Variants in COL5A2 observed in about 807,000 individuals in gnomAD.
COL5A2 encodes the protein collagen type V alpha 2 chain.
In COL5A2, 23 loss-of-function variants were observed where a neutral mutation model predicts 208.2. That is an observed-to-expected ratio of 0.11 (90% confidence interval 0.08 to 0.16). The LOEUF (loss-of-function observed/expected upper bound fraction) is 0.16, where lower values mean the gene tolerates loss of function less well. Among genes scored for constraint, COL5A2 ranks in the 10% least tolerant of loss-of-function variants. The pLI is 1.00. For missense variants in COL5A2, 1,590 were observed against 1,956.4 expected (o/e 0.81, Z 3.53); for synonymous variants, 625 against 628.5 (o/e 0.99, Z 0.08).
Position 189,088,778 on chromosome 2 carries a change from A to G in COL5A2, c.568-6T>C. On this transcript the variant is annotated splice_region_variant and splice_polypyrimidine_tract_variant and intron_variant, in intron 7 of 53. Coordinates refer to ENST00000374866, the MANE Select transcript of COL5A2 (RefSeq NM_000393.5). ...GCCATTTGAGCTGAAAACGGCTGTAAAAGCGATATGTTGACATTATTTCTA... is the reference window on the plus strand; with the variant it reads ...GCCATTTGAGCTGAAAACGGCTGTAGAAGCGATATGTTGACATTATTTCTA... 2.5e-6 allele frequency: 4 copies of G among 1,613,026 alleles called. No homozygotes were observed. Among genetic ancestry groups the G allele is most frequent in the Non-Finnish European group, 3.4e-6 (4 of 1,179,022 alleles).
chr2:189,094,263 A>G (rs541782682), intron 6 of COL5A2, among the ~76,000 whole-genome samples: 1 of 152,282 alleles, frequency 6.6e-6, no homozygotes, highest in African/African-American at 2.4e-5. Flanking sequence ...TATAAAAATT[A>G]TCTAAAATTA....
the COL5A2 span, among the ~76,000 whole-genome samples, chr2:189,386,955 C>T: frequency 1.2e-4 from 18 of 152,208 alleles, no homozygotes; most frequent in South Asian, 3.7e-3. Context: ...TCAGCAATTC[C>T]ATTACTGAGT....
intron 35 of COL5A2, among the ~76,000 whole-genome samples, chr2:189,056,599 G>A (rs2105573205): frequency 6.6e-6 from 1 of 152,050 alleles, no homozygotes; most frequent in East Asian, 1.9e-4. Context: ...TCACAACTTT[G>A]GTGACTCCAC....
the COL5A2 span, among the ~76,000 whole-genome samples, chr2:189,348,101 C>A: frequency 6.6e-6 from 1 of 152,168 alleles, no homozygotes; most frequent in African/African-American, 2.4e-5. Context: ...ATTTTTAGAG[C>A]AACCCTTGCT....
chr2:189,346,867 G>A, the COL5A2 span, among the ~76,000 whole-genome samples: 1 of 152,156 alleles, frequency 6.6e-6, no homozygotes, highest in African/African-American at 2.4e-5. Flanking sequence ...GGCTCTCTGA[G>A]GGAAATGTTC....
chr2:189,042,811 T>A (rs746877070), intron 48 of COL5A2, 38 bp from the exon 49 acceptor site: 4 of 1,576,594 alleles, frequency 2.5e-6, no homozygotes, highest in African/African-American at 1.3e-5. Context: ...GCCAAAATAT[T>A]TGGATCCTGC....
chr2:189,222,474 C>T (rs78473104), intron 1 of COL5A2, among the ~76,000 whole-genome samples: 1 of 152,072 alleles, frequency 6.6e-6, no homozygotes, highest in East Asian at 1.9e-4. Context: ...AACCCTTGTA[C>T]GTCAATGAAA....
At chr2:189,281,084 A>G in the COL5A2 span, among the ~76,000 whole-genome samples, 3 of 152,072 alleles carry the variant, frequency 2.0e-5, no homozygotes, top group Non-Finnish European at 1.5e-5. Context: ...GTTAATTTGC[A>G]TTATTTACCA....
the COL5A2 span, among the ~76,000 whole-genome samples, chr2:189,387,509 G>A: frequency 2.6e-5 from 4 of 152,054 alleles, no homozygotes; most frequent in African/African-American, 9.7e-5. Flanking sequence ...ACGCATTCCT[G>A]GAATAAGTTC....
At chr2:189,360,642 G>A in the COL5A2 span, among the ~76,000 whole-genome samples, 1 of 151,852 alleles carries the variant, frequency 6.6e-6, no homozygotes, top group East Asian at 1.9e-4. Context: ...TTTAACTTCT[G>A]GGATACATGT....
the COL5A2 span, among the ~76,000 whole-genome samples, chr2:189,299,760 A>G: frequency 2.5e-4 from 38 of 152,312 alleles, no homozygotes; most frequent in Non-Finnish European, 4.7e-4. Context: ...AAAGCAAGTC[A>G]TGGTGCTTGC....
intron 7 of COL5A2, 142 bp from the exon 8 acceptor site, chr2:189,088,914 T>C (rs1290408683): frequency 2.7e-6 from 2 of 741,070 alleles, no homozygotes; most frequent in South Asian, 1.6e-5. Flanking sequence ...CTTTAAAGCC[T>C]GGAAAAAGAC....
chr2:189,229,561 A>C (rs1434455650), upstream of COL5A2, among the ~76,000 whole-genome samples: 5 of 151,812 alleles, frequency 3.3e-5, no homozygotes, highest in African/African-American at 1.2e-4. Flanking sequence ...AAAGGAAATT[A>C]GGAAAACAAT....
chr2:189,059,366 T>C (rs1487201969), intron 31 of COL5A2, among the ~76,000 whole-genome samples: 4 of 152,166 alleles, frequency 2.6e-5, no homozygotes, highest in South Asian at 4.1e-4. Flanking sequence ...TACTAGGTAT[T>C]GTGCATTCAA....
chr2:189,410,832 G>T, the COL5A2 span, among the ~76,000 whole-genome samples: 1 of 151,980 alleles, frequency 6.6e-6, no homozygotes, highest in Non-Finnish European at 1.5e-5. Flanking sequence ...GTAACATTAA[G>T]AATAACTAAA....
At chr2:189,323,506 A>G in the COL5A2 span, among the ~76,000 whole-genome samples, 8 of 152,270 alleles carry the variant, frequency 5.3e-5, no homozygotes, top group South Asian at 1.0e-3. Context: ...CAAAAATCAC[A>G]AGCATTCTTA....
chr2:189,056,796 G>C (rs1685909525), intron 35 of COL5A2, 177 bp downstream of exon 35: 2 of 690,608 alleles, frequency 2.9e-6, no homozygotes, highest in Non-Finnish European at 5.2e-6. Flanking sequence ...ATTTAATTCA[G>C]GGTAAGCAAA....
At chr2:189,115,748 C>A (rs1198431538) in intron 1 of COL5A2, among the ~76,000 whole-genome samples, 1 of 152,178 alleles carries the variant, frequency 6.6e-6, no homozygotes, top group African/African-American at 2.4e-5. Context: ...GTTATATAAT[C>A]CGTCTTTGAT....
intron 47 of COL5A2, 63 bp downstream of exon 47, chr2:189,045,116 C>A: frequency 9.1e-7 from 1 of 1,099,186 alleles, no homozygotes; most frequent in Non-Finnish European, 1.3e-6. Flanking sequence ...TTAAATTATA[C>A]TTCTTTGGGA....
Sources: gnomAD v4.1 joint callset for allele counts (sites outside exome capture counted in the v4.1 genomes callset) on GRCh38, gnomAD v4.1.1 for gene constraint, MANE v1.5 for transcripts, NCBI Gene and HGNC (gene_info 2026-07-23, HGNC 2026-07-21) for gene names.